CBFB: variants seen among roughly 807,000 people sequenced by gnomAD.
CBFB encodes the protein CBF-beta.
Under a neutral mutation model 30.4 loss-of-function variants are expected in CBFB, and 9 were observed. The observed-to-expected ratio is 0.30, with a 90% CI of 0.18 to 0.52. CBFB has a LOEUF of 0.52. Among genes scored for constraint, CBFB ranks in the 20% least tolerant of loss-of-function variants. The pLI, the probability that CBFB is intolerant of heterozygous loss-of-function variation, is 0.97. For missense variants in CBFB, 170 were observed against 244.0 expected (o/e 0.70, Z 2.02); for synonymous variants, 94 against 84.0 (o/e 1.12, Z -0.65).
At chr16:67,034,645 C>A (rs1006548861) in intron 2 of CBFB, among the ~76,000 whole-genome samples, 1 of 152,132 alleles carries the variant, frequency 6.6e-6, no homozygotes, top group Non-Finnish European at 1.5e-5. Flanking sequence ...AGGTTGGCAT[C>A]AAGACAGGAG....
At chr16:67,057,421 A>T (rs528728555) in intron 3 of CBFB, among the ~76,000 whole-genome samples, 1 of 151,722 alleles carries the variant, frequency 6.6e-6, no homozygotes, top group African/African-American at 2.4e-5. Context: ...TTGTAATAGA[A>T]TTTTTTTTTA....
chr16:67,037,118 C>T (rs768547014), intron 3 of CBFB, among the ~76,000 whole-genome samples: 2 of 152,004 alleles, frequency 1.3e-5, no homozygotes, highest in Non-Finnish European at 2.9e-5. Context: ...AGGCTGGTCT[C>T]GAACTCCTGA....
At chr16:67,039,976 A>T (rs1277539654) in intron 3 of CBFB, among the ~76,000 whole-genome samples, 1 of 152,108 alleles carries the variant, frequency 6.6e-6, no homozygotes, top group Non-Finnish European at 1.5e-5. Context: ...CATCTGTACT[A>T]CTTCTGTACT....
At chr16:67,038,218 A>G (rs1036055387) in intron 3 of CBFB, among the ~76,000 whole-genome samples, 2 of 152,004 alleles carry the variant, frequency 1.3e-5, no homozygotes, top group Admixed American at 1.3e-4. Flanking sequence ...ATAACCTGCC[A>G]CATTTATGTA....
intron 5 of CBFB, among the ~76,000 whole-genome samples, chr16:67,094,189 G>A (rs1248747386): frequency 6.7e-6 from 1 of 149,428 alleles, no homozygotes; most frequent in African/African-American, 2.5e-5. Flanking sequence ...GAACTCCAGG[G>A]CTCAATCAGT....
At chr16:67,032,218 G>A (rs1463673235) in intron 2 of CBFB, among the ~76,000 whole-genome samples, 2 of 152,086 alleles carry the variant, frequency 1.3e-5, no homozygotes, top group Non-Finnish European at 2.9e-5. Flanking sequence ...GACCTTCCCC[G>A]CTTCCAAATA....
chr16:67,067,896 C>T (rs1161803466), intron 4 of CBFB, among the ~76,000 whole-genome samples: 1 of 152,066 alleles, frequency 6.6e-6, no homozygotes, highest in Non-Finnish European at 1.5e-5. Flanking sequence ...TAAAGTAGAC[C>T]CTACTAAGAT....
intron 3 of CBFB, among the ~76,000 whole-genome samples, chr16:67,057,533 C>T (rs1960766037): frequency 6.6e-6 from 1 of 152,134 alleles, no homozygotes. Flanking sequence ...AATCATTAGC[C>T]AGTTTACCCT....
intron 3 of CBFB, among the ~76,000 whole-genome samples, chr16:67,066,231 A>G (rs796633376): frequency 2.0e-5 from 3 of 151,940 alleles, no homozygotes; most frequent in Admixed American, 6.6e-5. Flanking sequence ...ATTGTTTTCC[A>G]TCTTTCTACC....
At chr16:67,093,093 G>A (rs181740708) in intron 5 of CBFB, among the ~76,000 whole-genome samples, 5 of 152,090 alleles carry the variant, frequency 3.3e-5, no homozygotes, top group East Asian at 3.9e-4. Context: ...TTCCAGCCAC[G>A]TGCTACCATG....
intron 4 of CBFB, among the ~76,000 whole-genome samples, chr16:67,080,287 TGAG>T (rs1034607831): frequency 8.6e-5 from 13 of 151,004 alleles, no homozygotes; most frequent in African/African-American, 1.9e-4. Context: ...GAGAGACTGT[TGAG>T]GAGACTTTTG....
chr16:67,051,139 C>T (rs866287951), intron 3 of CBFB, among the ~76,000 whole-genome samples: 1 of 152,076 alleles, frequency 6.6e-6, no homozygotes, highest in Non-Finnish European at 1.5e-5. Flanking sequence ...TTTAGGAATT[C>T]TTTTAAGTTA....
chr16:67,082,222 G>A lies in CBFB; in HGVS notation c.409G>A (p.Ala137Thr), dbSNP rs1433564251. 6.3e-7 allele frequency: 1 copy of A among 1,594,392 alleles called. No individual in the cohort carries two copies. Among genetic ancestry groups the A allele is most frequent in the Non-Finnish European group, 8.6e-7 (1 of 1,167,324 alleles). The change falls in exon 5 of 6, where the codon GCA becomes ACA. Residue 137 changes from alanine to threonine, a missense_variant. Physicochemically the swap from Ala to Thr is moderately conservative, Grantham distance 58. Coordinates refer to ENST00000412916, the MANE Select transcript of CBFB (RefSeq NM_022845.3). ...TCATGTATTCTGACAGCAGGAGGAT[G>A]CATTAGCACAACAGGCCTTTGAAGA... The part of the protein sequence containing the change: ...FDEERAQQED[A>T]LAQQAFEEAR...
In CBFB at chr16:67,100,476, A is replaced by ACT. The variant is rs1962188310; in HGVS notation, c.*1699_*1700dup. ...ATGCTGATCTTGCATAACTATAAGT[A>ACT]CTATGAATGAATTTGGTTGGTTTTG... On this transcript the variant is annotated 3_prime_UTR_variant, in exon 6 of 6. Coordinates refer to ENST00000412916, the MANE Select transcript of CBFB (RefSeq NM_022845.3). 1 of 227,580 alleles carries ACT rather than the reference A, an allele frequency of 4.4e-6. No individual in the cohort carries two copies. Among genetic ancestry groups the ACT allele is most frequent in the Non-Finnish European group, 8.7e-6 (1 of 114,362 alleles). 14.1% of individuals were successfully genotyped at this position (227,580 alleles called of 1,614,324 possible). A position where few individuals can be genotyped will look rare whatever the true frequency, so the allele number is the denominator to read the frequency against.
intron 2 of CBFB, 135 bp from the exon 3 acceptor site, chr16:67,036,504 C>G: frequency 1.7e-6 from 1 of 585,062 alleles, no homozygotes; most frequent in Non-Finnish European, 3.1e-6. Flanking sequence ...ATGATGAGTG[C>G]ATGTTTTTTT....
chr16:67,085,673 C>CTTTTTTTTT (rs764788080), intron 5 of CBFB, among the ~76,000 whole-genome samples: 1 of 115,440 alleles, frequency 8.7e-6, no homozygotes, highest in African/African-American at 3.4e-5. Context: ...AATTTAGTAT[C>CTTTTTTTTT]TTTTTTTTTT....
chr16:67,083,052 G>A (rs536576790), intron 5 of CBFB, among the ~76,000 whole-genome samples: 5 of 152,274 alleles, frequency 3.3e-5, no homozygotes, highest in African/African-American at 9.6e-5. Flanking sequence ...GGTGGCACAT[G>A]CCTGTAGCTT....
chr16:67,076,896 C>G, intron 4 of CBFB, among the ~76,000 whole-genome samples: 1 of 151,778 alleles, frequency 6.6e-6, no homozygotes, highest in East Asian at 1.9e-4. Flanking sequence ...TGTGTACTGT[C>G]ATGAGATTAG....
intron 3 of CBFB, among the ~76,000 whole-genome samples, chr16:67,053,671 C>G (rs1960629249): frequency 1.3e-5 from 2 of 151,842 alleles, no homozygotes; most frequent in South Asian, 4.2e-4. Context: ...AGCTTGTGAG[C>G]ACAGTCATGA....
Sources: allele counts gnomAD v4.1 joint callset (sites outside exome capture counted in the v4.1 genomes callset), GRCh38; gene constraint gnomAD v4.1.1; transcripts MANE v1.5; gene names NCBI Gene and HGNC (gene_info 2026-07-23, HGNC 2026-07-21).